DPRX: variants seen among roughly 807,000 people sequenced by gnomAD.
The protein encoded by DPRX is divergent paired-related homeobox.
A neutral mutation model predicts 8.4 loss-of-function variants in DPRX; 11 were observed. The ratio of observed to expected loss-of-function variants is 1.31; its 90% confidence interval spans 0.82 to 2.17. DPRX has a LOEUF of 2.17. DPRX is among the 30% of genes most tolerant of loss of function. The pLI, the probability that DPRX is intolerant of heterozygous loss-of-function variation, is 0.00. For synonymous variants in DPRX, 72 were observed against 87.0 expected (o/e 0.83, Z 0.96); for missense variants, 211 against 236.7 (o/e 0.89, Z 0.71).
chr19:53,620,358 C>T, the DPRX span, among the ~76,000 whole-genome samples: 2 of 151,710 alleles, frequency 1.3e-5, no homozygotes, highest in Non-Finnish European at 2.9e-5. Context: ...TGTGAGCCAC[C>T]GTACCCGGCC....
At chr19:53,633,658 C>T (rs1456494790) in intron 1 of DPRX, among the ~76,000 whole-genome samples, 7 of 152,054 alleles carry the variant, frequency 4.6e-5, no homozygotes, top group Non-Finnish European at 7.4e-5. Context: ...TACAGGCGTG[C>T]ACCATCACGC....
chr19:53,608,826 G>T, the DPRX span, among the ~76,000 whole-genome samples: 1 of 151,346 alleles, frequency 6.6e-6, no homozygotes, highest in Non-Finnish European at 1.5e-5. Flanking sequence ...ATGGTGGCGG[G>T]CGCCTGTAGT....
the DPRX span, among the ~76,000 whole-genome samples, chr19:53,623,977 TA>T: frequency 5.1e-5 from 2 of 39,314 alleles, no homozygotes; most frequent in East Asian, 4.8e-4. Flanking sequence ...AATAAATAAA[TA>T]ATAACCATTA....
intron 1 of DPRX, among the ~76,000 whole-genome samples, chr19:53,633,860 T>C (rs559520310): frequency 3.3e-5 from 5 of 151,200 alleles, no homozygotes; most frequent in Non-Finnish European, 7.4e-5. Flanking sequence ...GCCAGGCTGG[T>C]CTCAAACTCA....
chr19:53,605,079 C>T, the DPRX span, among the ~76,000 whole-genome samples: 2 of 151,986 alleles, frequency 1.3e-5, no homozygotes, highest in African/African-American at 2.4e-5. Flanking sequence ...TTAGGGAGGC[C>T]GAGGCAGGCG....
the DPRX span, chr19:53,602,267 G>T: frequency 1.4e-4 from 39 of 277,380 alleles, no homozygotes; most frequent in South Asian, 8.1e-4. Context: ...TATGGGTATG[G>T]GTGTGTGTGT....
chr19:53,620,364 C>T, the DPRX span, among the ~76,000 whole-genome samples: 27 of 150,762 alleles, frequency 1.8e-4, no homozygotes, highest in Admixed American at 2.7e-4. Context: ...CCACCGTACC[C>T]GGCCTATTTT....
the DPRX span, among the ~76,000 whole-genome samples, chr19:53,605,433 G>A: frequency 6.7e-6 from 1 of 149,814 alleles, no homozygotes; most frequent in South Asian, 2.1e-4. Flanking sequence ...CTGGAGGGCA[G>A]TGGCGCGATC....
At chr19:53,606,909 C>T in the DPRX span, 4 of 152,672 alleles carry the variant, frequency 2.6e-5, no homozygotes, top group African/African-American at 9.7e-5. The surrounding 1 kb of genome is among the most constrained non-coding windows in gnomAD (Gnocchi z 4.8). Flanking sequence ...AAACAGTGCC[C>T]AAACCCCCGA....
the DPRX span, among the ~76,000 whole-genome samples, chr19:53,612,386 CAAAA>C: frequency 6.6e-6 from 1 of 151,200 alleles, no homozygotes; most frequent in Non-Finnish European, 1.5e-5. Context: ...AAACAAAACA[CAAAA>C]AAGCAGACAG....
chr19:53,623,315 AAAT>A, the DPRX span, among the ~76,000 whole-genome samples: 9 of 132,586 alleles, frequency 6.8e-5, no homozygotes, highest in Admixed American at 2.2e-4. Flanking sequence ...TCAAAAAAAT[AAAT>A]AAATAAATAA....
the DPRX span, among the ~76,000 whole-genome samples, chr19:53,618,978 A>C: frequency 6.6e-6 from 1 of 151,608 alleles, no homozygotes; most frequent in Admixed American, 6.6e-5. Flanking sequence ...CACCGCGCCC[A>C]GCCAGTAGTC....
chr19:53,616,029 G>C, the DPRX span, among the ~76,000 whole-genome samples: 1 of 152,094 alleles, frequency 6.6e-6, no homozygotes, highest in East Asian at 1.9e-4. Flanking sequence ...GAGGCGGGTG[G>C]ATCACCTAAG....
the DPRX span, among the ~76,000 whole-genome samples, chr19:53,614,197 G>A: frequency 6.6e-6 from 1 of 151,894 alleles, no homozygotes; most frequent in East Asian, 1.9e-4. Context: ...TAATCTGCCC[G>A]CCTCGGCCTC....
chr19:53,622,301 G>A, the DPRX span, among the ~76,000 whole-genome samples: 8 of 152,124 alleles, frequency 5.3e-5, no homozygotes, highest in Admixed American at 2.6e-4. Context: ...TTATGGGCAT[G>A]AGCCACTGGA....
the DPRX span, among the ~76,000 whole-genome samples, chr19:53,623,922 C>G: frequency 4.0e-5 from 6 of 151,438 alleles, no homozygotes; most frequent in Admixed American, 4.0e-4. Flanking sequence ...TGCACTCCAG[C>G]CAGGGCAACA....
chr19:53,612,504 C>G, the DPRX span, among the ~76,000 whole-genome samples: 2 of 152,114 alleles, frequency 1.3e-5, no homozygotes, highest in South Asian at 4.2e-4. Context: ...GTCAGGCGTT[C>G]GAGACCAGCC....
the DPRX span, among the ~76,000 whole-genome samples, chr19:53,626,043 C>T: frequency 6.6e-6 from 1 of 151,948 alleles, no homozygotes; most frequent in Non-Finnish European, 1.5e-5. Flanking sequence ...CTCAAGTGGT[C>T]CTCCCACCTC....
the DPRX span, among the ~76,000 whole-genome samples, chr19:53,605,109 T>C: frequency 6.6e-6 from 1 of 151,568 alleles, no homozygotes; most frequent in African/African-American, 2.4e-5. Flanking sequence ...AGCCCAGAGG[T>C]TCCACATCAG....
Sources: gnomAD v4.1 joint callset for allele counts (sites outside exome capture counted in the v4.1 genomes callset) on GRCh38, gnomAD v4.1.1 for gene constraint, Gnocchi (gnomAD v3.1) non-coding constraint, MANE v1.5 for transcripts, NCBI Gene and HGNC (gene_info 2026-07-23, HGNC 2026-07-21) for gene names.